The following CD226 variants were observed in gnomAD, a reference collection of about 807,000 sequenced individuals.
CD226 encodes the protein CD226 antigen.
Under a neutral mutation model 34.9 loss-of-function variants are expected in CD226, and 24 were observed. The ratio of observed to expected loss-of-function variants is 0.69; its 90% CI spans 0.50 to 0.97. The LOEUF is 0.97. CD226 is among the 50% of genes least tolerant of loss of function. CD226 has a pLI of 0.00. For missense variants in CD226, 397 were observed against 412.7 expected (o/e 0.96, Z 0.33); for synonymous variants, 148 against 147.4 (o/e 1.00, Z -0.03).
chr18:69,923,916 T>C (rs1319143161), intron 2 of CD226, among the ~76,000 whole-genome samples: 1 of 148,356 alleles, frequency 6.7e-6, no homozygotes, highest in Non-Finnish European at 1.5e-5. Flanking sequence ...ATCGCGCCAC[T>C]GCACTCCAGC....
chr18:69,873,337 T>C lies in CD226; in HGVS notation c.728-91A>G, dbSNP rs1308151056. Reference sequence around the variant, plus strand: ...GAAAATAAAGAAAAGATACATTAATTATTGAGTAACAAAAACAAAGAATCC... The same window carrying C: ...GAAAATAAAGAAAAGATACATTAATCATTGAGTAACAAAAACAAAGAATCC... On this transcript the variant is annotated intron_variant, in intron 3 of 5. Coordinates refer to ENST00000582621, the MANE Select transcript of CD226 (RefSeq NM_001303618.2). 2.4e-5 allele frequency: 16 copies of C among 665,542 alleles called. No individual in the cohort carries two copies. The East Asian group carries it at 4.3e-4, about 18-fold the overall frequency. 41.2% of individuals were successfully genotyped at this position (665,542 alleles called of 1,614,324 possible).
intron 3 of CD226, among the ~76,000 whole-genome samples, chr18:69,886,641 G>A (rs977319861): frequency 2.0e-5 from 3 of 152,066 alleles, no homozygotes; most frequent in Admixed American, 6.5e-5. Flanking sequence ...AGGAGGAGGA[G>A]GTTGCAGTGA....
At chr18:69,943,159 AT>A (rs2055746937) in intron 2 of CD226, among the ~76,000 whole-genome samples, 2 of 152,232 alleles carry the variant, frequency 1.3e-5, no homozygotes, top group African/African-American at 4.8e-5. Context: ...CTTCATAAGG[AT>A]TAAATGAAAT....
At chr18:69,881,165 CTAAAA>C (rs1984237163) in intron 3 of CD226, among the ~76,000 whole-genome samples, 1 of 152,166 alleles carries the variant, frequency 6.6e-6, no homozygotes, top group Admixed American at 6.5e-5. Context: ...TATTTGTCAA[CTAAAA>C]TAAAATTAAC....
Position 69,856,052 on chromosome 18 carries a change from G to C in CD226, c.*8262C>G, listed in dbSNP as rs1982601250. On this transcript the variant is annotated 3_prime_UTR_variant, in exon 6 of 6. Coordinates refer to ENST00000582621, the MANE Select transcript of CD226 (RefSeq NM_001303618.2). The stretch of plus-strand genomic sequence containing the variant: ...TTACAAATAGACGCAACTATACATT[G>C]TCTATAAGAAAGGCACATTAAATAT... 1 of 152,052 alleles carries C rather than the reference G, an allele frequency of 6.6e-6. No homozygotes were observed. Among genetic ancestry groups the C allele is most frequent in the African/African-American group, 2.4e-5 (1 of 41,426 alleles). 9.4% of individuals were successfully genotyped at this position (152,052 alleles called of 1,614,324 possible). A position where few individuals can be genotyped will look rare whatever the true frequency, so the allele number is the denominator to read the frequency against.
At chr18:69,888,236 T>C (rs1984676872) in intron 3 of CD226, among the ~76,000 whole-genome samples, 1 of 152,150 alleles carries the variant, frequency 6.6e-6, no homozygotes, top group African/African-American at 2.4e-5. Context: ...TGATCAATCA[T>C]TTATGTTCAG....
At chr18:69,892,840 T>A (rs1323392693) in intron 3 of CD226, among the ~76,000 whole-genome samples, 1 of 152,228 alleles carries the variant, frequency 6.6e-6, no homozygotes, top group Non-Finnish European at 1.5e-5. Context: ...TCCAATACTA[T>A]GTGCTATAAA....
At chr18:69,894,039 T>C (rs1366613069) in intron 3 of CD226, among the ~76,000 whole-genome samples, 1 of 151,042 alleles carries the variant, frequency 6.6e-6, no homozygotes, top group African/African-American at 2.4e-5. Flanking sequence ...GTAAATTAGC[T>C]GGCTGAAAGC....
intron 2 of CD226, among the ~76,000 whole-genome samples, chr18:69,932,280 T>C (rs3937015): frequency 0.89 from 135,881 of 152,138 alleles, 62,128 homozygotes; most frequent in East Asian, 1. Context: ...TTGCCTAAAA[T>C]CTAAAGTCAA....
chr18:69,882,959 C>T (rs528135533), intron 3 of CD226, among the ~76,000 whole-genome samples: 2 of 152,318 alleles, frequency 1.3e-5, no homozygotes, highest in Admixed American at 6.5e-5. Flanking sequence ...GGAGCCACCA[C>T]GCCTGGCTCC....
chr18:69,949,815 CAT>C (rs1432182522), upstream of CD226, among the ~76,000 whole-genome samples: 1 of 151,844 alleles, frequency 6.6e-6, no homozygotes, highest in Admixed American at 6.6e-5. Context: ...CATGTGCACA[CAT>C]ACTCTCACAT....
At chr18:69,918,172 A>G (rs1251282802) in intron 2 of CD226, among the ~76,000 whole-genome samples, 1 of 152,244 alleles carries the variant, frequency 6.6e-6, no homozygotes. Context: ...CACGTCCCTG[A>G]AAGAGCTTAC....
chr18:69,941,354 A>G (rs1400382269), intron 2 of CD226, among the ~76,000 whole-genome samples: 2 of 152,148 alleles, frequency 1.3e-5, no homozygotes, highest in East Asian at 3.9e-4. Flanking sequence ...GCACCATGCA[A>G]CTGGAGAAGC....
chr18:69,945,629 G>C (rs930112028), intron 2 of CD226, among the ~76,000 whole-genome samples: 1 of 152,088 alleles, frequency 6.6e-6, no homozygotes, highest in Non-Finnish European at 1.5e-5. Context: ...CGAGGCAGTT[G>C]GATCACTTGA....
At chr18:69,938,709 A>G (rs1353847003) in intron 2 of CD226, among the ~76,000 whole-genome samples, 1 of 152,254 alleles carries the variant, frequency 6.6e-6, no homozygotes, top group Non-Finnish European at 1.5e-5. Flanking sequence ...CCCCCAGGCC[A>G]TATCAGAATG....
intron 2 of CD226, among the ~76,000 whole-genome samples, chr18:69,931,236 G>A (rs1344453924): frequency 2.6e-5 from 4 of 152,176 alleles, no homozygotes; most frequent in Admixed American, 6.5e-5. Context: ...CTGTTGTGGG[G>A]TGGGGAGAGG....
chr18:69,887,367 C>T (rs1407726507), intron 3 of CD226, among the ~76,000 whole-genome samples: 1 of 152,054 alleles, frequency 6.6e-6, no homozygotes, highest in Non-Finnish European at 1.5e-5. Flanking sequence ...AATAATCAAT[C>T]CTAATGCTCC....
At chr18:69,899,684 A>G (rs1985491851) in intron 2 of CD226, among the ~76,000 whole-genome samples, 1 of 152,244 alleles carries the variant, frequency 6.6e-6, no homozygotes, top group Admixed American at 6.5e-5. Flanking sequence ...AAAAAGCTCA[A>G]TATCACTCAT....
chr18:69,910,111 C>T (rs1775594971), intron 2 of CD226, among the ~76,000 whole-genome samples: 1 of 152,196 alleles, frequency 6.6e-6, no homozygotes, highest in South Asian at 2.1e-4. Flanking sequence ...ATTTATTTCT[C>T]TTATGCATTT....
Sources: allele counts gnomAD v4.1 joint callset (sites outside exome capture counted in the v4.1 genomes callset), GRCh38; gene constraint gnomAD v4.1.1; transcripts MANE v1.5; gene names NCBI Gene and HGNC (gene_info 2026-07-23, HGNC 2026-07-21).